The following PCDHGB6 variants were observed in gnomAD, a reference collection of about 807,000 sequenced individuals.
PCDHGB6 encodes protocadherin gamma subfamily B, 6.
A neutral mutation model predicts 59.1 loss-of-function variants in PCDHGB6; 51 were observed. The ratio of observed to expected loss-of-function variants is 0.86; its 90% CI spans 0.69 to 1.09. The LOEUF (loss-of-function observed/expected upper bound fraction) is 1.09, where lower values mean the gene tolerates loss of function less well. Ranked by LOEUF, PCDHGB6 falls within the 50% of genes least tolerant of loss-of-function variation. The probability of loss-of-function intolerance (pLI) is 0.00; values close to 1 mark genes in which losing one functional copy is unlikely to be tolerated. For missense variants in PCDHGB6, 1,148 were observed against 1,205.1 expected (o/e 0.95, Z 0.70); for synonymous variants, 466 against 495.1 (o/e 0.94, Z 0.78).
In PCDHGB6 at chr5:141,476,504, G is replaced by A; in HGVS notation, c.2419-18303G>A. On this transcript the variant is annotated intron_variant, in intron 1 of 3. Coordinates refer to ENST00000520790, the MANE Select transcript of PCDHGB6 (RefSeq NM_018926.3). This position sits in a 1 kb window ranked among gnomAD's most constrained non-coding sequence, Gnocchi z 7.6. ...GGAAGTGGTGATCCAGGACATCAAC[G>A]ACAACAATCCTGCTTTCCCTACCCA... The A allele has an allele frequency of 6.2e-7, 1 of 1,614,098 alleles. No individual in the cohort carries two copies. The highest frequency in any genetic ancestry group is 2.2e-5 in the East Asian group (1 of 44,854).
At chr5:141,495,910 A>C (rs2154591812) in intron 2 of PCDHGB6, among the ~76,000 whole-genome samples, 1 of 151,278 alleles carries the variant, frequency 6.6e-6, no homozygotes, top group East Asian at 1.9e-4. Flanking sequence ...GTCTCTGTAT[A>C]TCTTTCTTTG....
rs570982273 is a variant in PCDHGB6, at chr5:141,476,764, G to T, written c.2419-18043G>T. On this transcript the variant is annotated intron_variant, in intron 1 of 3. Coordinates refer to ENST00000520790, the MANE Select transcript of PCDHGB6 (RefSeq NM_018926.3). This position sits in a 1 kb window ranked among gnomAD's most constrained non-coding sequence, Gnocchi z 7.6. ...CTAGTCTCCAGTTAGTGCTGACGGC[G>T]TTGGACGGAGGGACCCCAGCTCTCT... 1.2e-5 allele frequency: 19 copies of T among 1,613,794 alleles called. No individual in the cohort carries two copies. In the East Asian group the frequency reaches 3.8e-4, roughly 32 times the overall value.
Position 141,409,936 on chromosome 5 carries a change from A to G in PCDHGB6, c.1734A>G (p.Val578=). 2 of 1,613,064 alleles carry G rather than the reference A, an allele frequency of 1.2e-6. No individual in the cohort carries two copies. Among genetic ancestry groups the G allele is most frequent in the Non-Finnish European group, 1.7e-6 (2 of 1,179,714 alleles). ...ACGGCTCCGCGTTCTTCGATATGGT[A>G]CCTCGCTCTGCAGAGCCCGGCTACC... The part of the protein sequence containing the change: ...GPDGSAFFDM[V]PRSAEPGYLV... The change falls in exon 1 of 4, where the codon GTA becomes GTG. Residue 578 remains valine, a synonymous_variant. Transcript: ENST00000520790.
chr5:141,436,207 A>G (rs544201723), intron 1 of PCDHGB6, among the ~76,000 whole-genome samples: 67 of 152,260 alleles, frequency 4.4e-4, no homozygotes, highest in Non-Finnish European at 7.9e-4. Flanking sequence ...ACATAATAGG[A>G]AAACAAATGA....
chr5:141,418,411 C>T, intron 1 of PCDHGB6: 1 of 1,613,986 alleles, frequency 6.2e-7, no homozygotes, highest in East Asian at 2.2e-5. Flanking sequence ...TGGAGAAAGA[C>T]AATCCTGATG....
At chr5:141,457,125 C>T (rs1011977795) in intron 1 of PCDHGB6, among the ~76,000 whole-genome samples, 3 of 152,236 alleles carry the variant, frequency 2.0e-5, no homozygotes, top group Admixed American at 6.5e-5. Flanking sequence ...GCAATGGAAA[C>T]TCTGTCCAAT....
intron 1 of PCDHGB6, chr5:141,418,309 G>A (rs756375907): frequency 6.2e-7 from 1 of 1,614,008 alleles, no homozygotes; most frequent in South Asian, 1.1e-5. Flanking sequence ...GCCTGGGGAT[G>A]GGAACAATTC....
At chr5:141,496,588 C>T (rs775641672) in intron 2 of PCDHGB6, among the ~76,000 whole-genome samples, 9 of 152,280 alleles carry the variant, frequency 5.9e-5, no homozygotes, top group Non-Finnish European at 1.0e-4. Context: ...GAACGCAAAG[C>T]GCTTCTTAGA....
At chr5:141,422,997 C>T (rs114907564) in intron 1 of PCDHGB6, 28,679 of 1,614,218 alleles carry the variant, frequency 0.018, 311 homozygotes, top group Non-Finnish European at 0.021. Context: ...ACCTGGTGAC[C>T]AAGGTGGTTG....
rs1173771781 is a variant in PCDHGB6 at position 141,486,312 on chromosome 5, G to A, written c.2419-8495G>A. Reference sequence around the variant, plus strand: ...ATCAGTGTGCAGGATCCAGACTCAGGGTCAAACGGAGATGTGAGCCTCCGC... The same window carrying A: ...ATCAGTGTGCAGGATCCAGACTCAGAGTCAAACGGAGATGTGAGCCTCCGC... On this transcript the variant is annotated intron_variant, in intron 1 of 3. Coordinates refer to ENST00000520790, the MANE Select transcript of PCDHGB6 (RefSeq NM_018926.3). The surrounding 1 kb of genome is among the most constrained non-coding windows in gnomAD (Gnocchi z 5.0). The A allele has an allele frequency of 1.2e-6, 2 of 1,613,864 alleles. No individual in the cohort carries two copies. Among genetic ancestry groups the A allele is most frequent in the African/African-American group, 1.3e-5 (1 of 74,842 alleles).
At position 141,477,891 on chromosome 5, in the gene PCDHGB6, G is replaced by A. The variant is rs750359063; in HGVS notation, c.2419-16916G>A. 130 of 1,614,066 alleles carry A rather than the reference G, an allele frequency of 8.1e-5. 1 individual carries two copies. The highest frequency in any genetic ancestry group is 1.1e-4 in the Non-Finnish European group (125 of 1,180,050). On this transcript the variant is annotated intron_variant, in intron 1 of 3. Coordinates refer to ENST00000520790, the MANE Select transcript of PCDHGB6 (RefSeq NM_018926.3). The surrounding 1 kb of genome is among the most constrained non-coding windows in gnomAD (Gnocchi z 4.9). The stretch of plus-strand genomic sequence containing the variant: ...ACCTCAGCTGGCCACCTAGTGTCAC[G>A]GGTGGTAGGCTGGGACGCGGATGCA...
chr5:141,511,077 T>C lies in PCDHGB6; in HGVS notation c.2697T>C (p.Asn899=), dbSNP rs1279500774. ...YRQNVYIPGS[N]ATLTNAAGKR... is the part of the protein sequence containing the mutation. ...AGAATGTCTACATCCCAGGCAGCAA[T>C]GCCACACTGACCAACGCAGCTGGCA... is the stretch of plus-strand genomic sequence containing the variant. Residue 899 remains asparagine, a synonymous_variant, in exon 4 of 4, where the codon AAT becomes AAC. Transcript: ENST00000520790. 5 of 1,614,062 alleles carry C rather than the reference T, an allele frequency of 3.1e-6. No individual in the cohort carries two copies. The African/African-American group carries it at 6.7e-5, about 22-fold the overall frequency.
chr5:141,412,215 C>T (rs1265657058), intron 1 of PCDHGB6: 1 of 152,240 alleles, frequency 6.6e-6, no homozygotes, highest in Non-Finnish European at 1.5e-5. Flanking sequence ...GACATAAACA[C>T]TTACTTGTTA....
rs1023379892 is a variant in PCDHGB6 at position 141,475,927 on chromosome 5, G to T, written c.2419-18880G>T. 1.3e-4 allele frequency: 80 copies of T among 628,362 alleles called. No individual in the cohort carries two copies. In the African/African-American group the frequency reaches 1.4e-3, roughly 11 times the overall value. The allele number at this position is 628,362 out of a possible 1,614,324, so 38.9% of individuals were successfully genotyped here. ...CGGCCAATGAAGACGCTGGAGATCG[G>T]GCCCCTGCCCGTCCCCTTTCTGCGC... On this transcript the variant is annotated intron_variant, in intron 1 of 3. Coordinates refer to ENST00000520790, the MANE Select transcript of PCDHGB6 (RefSeq NM_018926.3).
rs752708726 is a variant in PCDHGB6 at position 141,413,991 on chromosome 5, C to T, written c.2418+3371C>T. 1.9e-6 allele frequency: 3 copies of T among 1,613,494 alleles called. No homozygotes were observed. The East Asian group carries it at 6.7e-5, about 36-fold the overall frequency. ...AGCTGCTGACAGTCACAGCCACCGA[C>T]AGGGACGAAGGTGCCAATGGAGAAG... On this transcript the variant is annotated intron_variant, in intron 1 of 3. Coordinates refer to ENST00000520790, the MANE Select transcript of PCDHGB6 (RefSeq NM_018926.3).
chr5:141,489,225 A>G lies in PCDHGB6; in HGVS notation c.2419-5582A>G. 3 of 1,518,230 alleles carry G rather than the reference A, an allele frequency of 2.0e-6. No individual in the cohort carries two copies. Among genetic ancestry groups the G allele is most frequent in the East Asian group, 2.3e-5 (1 of 44,234 alleles). 94.0% of individuals were successfully genotyped at this position (1,518,230 alleles called of 1,614,324 possible). On this transcript the variant is annotated intron_variant, in intron 1 of 3. Coordinates refer to ENST00000520790, the MANE Select transcript of PCDHGB6 (RefSeq NM_018926.3). The surrounding 1 kb of genome is among the most constrained non-coding windows in gnomAD (Gnocchi z 4.5). ...GGACAGCACAGACTTACTCTCCACA[A>G]AGGGACTTCTGGGTCATGGGGCCCA...
At chr5:141,444,125 C>A (rs1459174213) in intron 1 of PCDHGB6, among the ~76,000 whole-genome samples, 2 of 130,784 alleles carry the variant, frequency 1.5e-5, no homozygotes, top group African/African-American at 5.7e-5. Flanking sequence ...AGTATCTCAA[C>A]AGATATGTGT....
intron 1 of PCDHGB6, among the ~76,000 whole-genome samples, chr5:141,460,684 T>C (rs1417815686): frequency 6.6e-6 from 1 of 152,074 alleles, no homozygotes; most frequent in Non-Finnish European, 1.5e-5. Context: ...TATCTATATA[T>C]CCACCAACAG....
intron 3 of PCDHGB6, among the ~76,000 whole-genome samples, chr5:141,505,868 G>T (rs2099848820): frequency 6.6e-6 from 1 of 152,170 alleles, no homozygotes; most frequent in Admixed American, 6.5e-5. Context: ...GGACCCCAAA[G>T]GGTTGTTGTA....
Sources: gnomAD v4.1 joint callset for allele counts (sites outside exome capture counted in the v4.1 genomes callset) on GRCh38, gnomAD v4.1.1 for gene constraint, Gnocchi (gnomAD v3.1) non-coding constraint, MANE v1.5 for transcripts, NCBI Gene and HGNC (gene_info 2026-07-23, HGNC 2026-07-21) for gene names.